The following VPS13B variants were observed in gnomAD, a reference collection of about 807,000 sequenced individuals.
VPS13B encodes the protein vacuolar protein sorting 13 homolog B.
VPS13B carries 285 observed loss-of-function variants against 426.4 expected under a neutral mutation model. That is an observed-to-expected ratio of 0.67 (90% CI 0.61 to 0.74). The LOEUF (loss-of-function observed/expected upper bound fraction) is 0.74, where lower values mean the gene tolerates loss of function less well. Ranked by LOEUF, VPS13B falls within the 30% of genes least tolerant of loss-of-function variation. VPS13B has a pLI of 0.00. For synonymous variants in VPS13B, 1,676 were observed against 1,676.4 expected (o/e 1.00, Z 0.01); for missense variants, 4,537 against 4,782.6 (o/e 0.95, Z 1.51).
intron 3 of VPS13B, among the ~76,000 whole-genome samples, chr8:99,056,697 T>C (rs890946215): frequency 2.6e-5 from 4 of 152,182 alleles, no homozygotes; most frequent in African/African-American, 9.7e-5. Context: ...TCCTCATTCC[T>C]CCATCCAGTG....
chr8:99,676,456 G>T (rs1364143798), intron 35 of VPS13B, among the ~76,000 whole-genome samples: 1 of 151,996 alleles, frequency 6.6e-6, no homozygotes, highest in African/African-American at 2.4e-5. Flanking sequence ...ACAAGAGTCT[G>T]CCTGATGCTA....
At chr8:99,528,386 C>G (rs1052022112) in intron 30 of VPS13B, among the ~76,000 whole-genome samples, 6 of 152,056 alleles carry the variant, frequency 3.9e-5, no homozygotes, top group African/African-American at 1.4e-4. Flanking sequence ...AGCTATTCAA[C>G]AGACATTGAG....
chr8:99,583,754 G>T (rs1032170955), intron 33 of VPS13B, among the ~76,000 whole-genome samples: 2 of 152,172 alleles, frequency 1.3e-5, no homozygotes, highest in Non-Finnish European at 2.9e-5. Context: ...AGAATTTCAG[G>T]TAAGATGAGG....
intron 39 of VPS13B, among the ~76,000 whole-genome samples, chr8:99,750,023 ATC>A: frequency 6.6e-6 from 1 of 152,264 alleles, no homozygotes; most frequent in East Asian, 1.9e-4. Context: ...ACATCTTAAC[ATC>A]TTATCTATTT....
chr8:99,347,207 C>T (rs1159295664), intron 19 of VPS13B: 1 of 152,324 alleles, frequency 6.6e-6, no homozygotes, highest in Non-Finnish European at 1.5e-5. Flanking sequence ...ACCTGATGTC[C>T]TCATAGCTTG....
chr8:99,873,824 T>C (rs1412573105), intron 61 of VPS13B, among the ~76,000 whole-genome samples: 5 of 152,322 alleles, frequency 3.3e-5, no homozygotes. Flanking sequence ...TCTTGAGCTG[T>C]CTGGCTCTTA....
At chr8:99,596,597 T>C (rs1017439006) in intron 33 of VPS13B, among the ~76,000 whole-genome samples, 2 of 151,820 alleles carry the variant, frequency 1.3e-5, no homozygotes, top group Non-Finnish European at 2.9e-5. Context: ...AAGCAGCAGA[T>C]TAGAGCATAG....
intron 58 of VPS13B, among the ~76,000 whole-genome samples, chr8:99,864,956 C>T (rs935268750): frequency 2.0e-5 from 3 of 152,162 alleles, no homozygotes; most frequent in Admixed American, 6.5e-5. Context: ...TTTACGGGTT[C>T]GGCGGGCCTT....
At chr8:99,806,194 C>G (rs914014969) in intron 43 of VPS13B, among the ~76,000 whole-genome samples, 33 of 152,306 alleles carry the variant, frequency 2.2e-4, no homozygotes, top group African/African-American at 7.0e-4. Context: ...TTTAGTAAAT[C>G]AGTGCCAGCC....
chr8:99,308,772 G>A (rs1368549596), intron 19 of VPS13B, among the ~76,000 whole-genome samples: 1 of 152,162 alleles, frequency 6.6e-6, no homozygotes, highest in Admixed American at 6.5e-5. Context: ...TTCCACAATG[G>A]TTGAACTAGT....
chr8:99,474,183 A>ATTTTTTTTTGTTTTTTTTTTTTTTTTTTT (rs1819563970), intron 24 of VPS13B, among the ~76,000 whole-genome samples: 1 of 124,994 alleles, frequency 8.0e-6, no homozygotes, highest in African/African-American at 3.3e-5. Context: ...CTGTTATCCA[A>ATTTTTTTTTGTTTTTTTTTTTTTTTTTTT]TTTTTTTTTT....
chr8:99,466,848 A>T (rs908062061), intron 23 of VPS13B, among the ~76,000 whole-genome samples: 1 of 152,070 alleles, frequency 6.6e-6, no homozygotes, highest in African/African-American at 2.4e-5. Context: ...ACCATATTAG[A>T]TTGTTTATTC....
At chr8:99,019,083 T>G (rs1446978480) in intron 2 of VPS13B, among the ~76,000 whole-genome samples, 1 of 152,182 alleles carries the variant, frequency 6.6e-6, no homozygotes, top group Non-Finnish European at 1.5e-5. Context: ...TTGGCCTTAT[T>G]GATTTATTTG....
chr8:99,373,261 A>G (rs962060418), intron 19 of VPS13B, among the ~76,000 whole-genome samples: 9 of 151,984 alleles, frequency 5.9e-5, no homozygotes, highest in African/African-American at 2.2e-4. Flanking sequence ...GCAGACCACC[A>G]TGGCACATGT....
intron 19 of VPS13B, among the ~76,000 whole-genome samples, chr8:99,292,433 G>A (rs2133048249): frequency 6.6e-6 from 1 of 152,228 alleles, no homozygotes; most frequent in South Asian, 2.1e-4. Flanking sequence ...TTCAGCAGCT[G>A]GAAAATGTTG....
chr8:99,419,086 A>G (rs1322559579), intron 21 of VPS13B, among the ~76,000 whole-genome samples: 1 of 152,152 alleles, frequency 6.6e-6, no homozygotes, highest in African/African-American at 2.4e-5. Context: ...CACGTGTTGA[A>G]GGTGGGGACT....
At chr8:99,154,358 A>T (rs1278889339) in intron 14 of VPS13B, among the ~76,000 whole-genome samples, 1 of 151,798 alleles carries the variant, frequency 6.6e-6, no homozygotes, top group Non-Finnish European at 1.5e-5. Context: ...CAGTTCTGAA[A>T]TATTCCGGGT....
rs534332934 is a variant in VPS13B, at chr8:99,102,924, TAATTA to T, written c.413-24_413-20del. 88 of 1,549,670 alleles carry T rather than the reference TAATTA, an allele frequency of 5.7e-5. No individual in the cohort carries two copies. In the East Asian group the frequency reaches 1.4e-3, roughly 24 times the overall value. On this transcript the variant is annotated intron_variant, in intron 4 of 61. Coordinates refer to ENST00000357162, the MANE Select transcript of VPS13B (RefSeq NM_152564.5). ...AATTATTTACTGAGAGATTTGTGGC[TAATTA>T]AATTCTTTTTTTCTATTTTATAGGT...
chr8:99,411,271 G>A (rs1215446242), intron 21 of VPS13B, among the ~76,000 whole-genome samples: 1 of 152,118 alleles, frequency 6.6e-6, no homozygotes, highest in Non-Finnish European at 1.5e-5. Context: ...GCATGAGATG[G>A]TATCTCATTG....
Sources: allele counts gnomAD v4.1 joint callset (sites outside exome capture counted in the v4.1 genomes callset), GRCh38; gene constraint gnomAD v4.1.1; transcripts MANE v1.5; gene names NCBI Gene and HGNC (gene_info 2026-07-23, HGNC 2026-07-21).